The following ST7 variants were observed in gnomAD, a reference collection of about 807,000 sequenced individuals.
ST7 encodes the protein suppression of tumorigenicity 7.
In ST7, 28 loss-of-function variants were observed where a neutral mutation model predicts 78.7. That is an observed-to-expected ratio of 0.36 (90% CI 0.26 to 0.49). The LOEUF is 0.49. Among genes scored for constraint, ST7 ranks in the 20% least tolerant of loss-of-function variants. The pLI is 0.99. For missense variants in ST7, 418 were observed against 696.0 expected (o/e 0.60, Z 4.49); for synonymous variants, 247 against 249.6 (o/e 0.99, Z 0.10).
intron 15 of ST7, among the ~76,000 whole-genome samples, chr7:117,227,887 G>A (rs1209875624): frequency 6.6e-6 from 1 of 152,144 alleles, no homozygotes; most frequent in African/African-American, 2.4e-5. Context: ...CTTGAGGATG[G>A]CACCGTCTCC....
intron 1 of ST7, among the ~76,000 whole-genome samples, chr7:117,097,908 A>ATATATATATATTTTTTTT: frequency 3.3e-5 from 1 of 30,012 alleles, no homozygotes; most frequent in African/African-American, 1.6e-4. Context: ...ATATATATAT[A>ATATATATATATTTTTTTT]TTTTTTTTTT....
intron 1 of ST7, among the ~76,000 whole-genome samples, chr7:116,960,968 C>G (rs1328296502): frequency 6.6e-6 from 1 of 152,176 alleles, no homozygotes; most frequent in African/African-American, 2.4e-5. Flanking sequence ...ATTTAAGTCT[C>G]TAATCCATCT....
At chr7:116,972,961 G>C in intron 1 of ST7, 4 of 987,152 alleles carry the variant, frequency 4.1e-6, no homozygotes, top group Non-Finnish European at 6.3e-6. Context: ...TCCTCTGCTT[G>C]GTGTTGCAGC....
intron 1 of ST7, 113 bp downstream of exon 1, chr7:116,953,804 C>G: frequency 1.4e-6 from 1 of 719,068 alleles, no homozygotes; most frequent in African/African-American, 1.9e-5. Flanking sequence ...CCGGGGCCCG[C>G]GCACCGGAGG....
chr7:117,046,625 A>G (rs1797506150), intron 1 of ST7, among the ~76,000 whole-genome samples: 1 of 152,242 alleles, frequency 6.6e-6, no homozygotes, highest in East Asian at 1.9e-4. Flanking sequence ...TGTTTTACCA[A>G]TGCCTAGGAC....
At chr7:117,028,024 A>C (rs1480579480) in intron 1 of ST7, among the ~76,000 whole-genome samples, 1 of 152,176 alleles carries the variant, frequency 6.6e-6, no homozygotes, top group Non-Finnish European at 1.5e-5. Context: ...CATAATGGGT[A>C]CATGTCAGAA....
chr7:117,195,155 A>T (rs1584567078), intron 12 of ST7, among the ~76,000 whole-genome samples: 2 of 120,116 alleles, frequency 1.7e-5, no homozygotes, highest in Admixed American at 7.3e-5. Context: ...TTTACTATTT[A>T]AAAAAAAATT....
At chr7:117,193,746 C>T (rs1159016016) in intron 12 of ST7, among the ~76,000 whole-genome samples, 1 of 152,208 alleles carries the variant, frequency 6.6e-6, no homozygotes, top group Non-Finnish European at 1.5e-5. Flanking sequence ...TTCTCTATCA[C>T]AGGAATTTGT....
chr7:116,997,305 T>C (rs1255786793), intron 1 of ST7, among the ~76,000 whole-genome samples: 1 of 152,180 alleles, frequency 6.6e-6, no homozygotes, highest in African/African-American at 2.4e-5. Flanking sequence ...GGCAGCCTAC[T>C]TTTATTCCCT....
chr7:117,207,149 A>ATT (rs34923443), intron 12 of ST7, among the ~76,000 whole-genome samples: 2 of 144,692 alleles, frequency 1.4e-5, no homozygotes, highest in African/African-American at 5.2e-5. Flanking sequence ...GTTTCTTTTC[A>ATT]TTTTTTTTTT....
At chr7:117,228,095 G>A (rs60552656) in intron 15 of ST7, among the ~76,000 whole-genome samples, 1,652 of 152,130 alleles carry the variant, frequency 0.011, 34 homozygotes, top group African/African-American at 0.038. Context: ...GAGCCTGGAG[G>A]GCCCACCCTG....
At chr7:117,155,262 G>A (rs925252263) in intron 9 of ST7, among the ~76,000 whole-genome samples, 9 of 152,154 alleles carry the variant, frequency 5.9e-5, no homozygotes, top group African/African-American at 2.2e-4. Flanking sequence ...GAATGGAAAG[G>A]AGGCTAAGGT....
At chr7:117,149,824 G>A (rs1360361396) in intron 9 of ST7, among the ~76,000 whole-genome samples, 1 of 151,966 alleles carries the variant, frequency 6.6e-6, no homozygotes, top group Admixed American at 6.6e-5. Flanking sequence ...AGCTTTTGGA[G>A]GCTGTATGTT....
At chr7:117,095,966 G>A (rs1047849055) in intron 1 of ST7, among the ~76,000 whole-genome samples, 1 of 150,234 alleles carries the variant, frequency 6.7e-6, no homozygotes, top group Non-Finnish European at 1.5e-5. Flanking sequence ...TACTCCGGAG[G>A]CTGATGCAGG....
At chr7:117,171,201 C>A (rs1018030620) in intron 10 of ST7, among the ~76,000 whole-genome samples, 1 of 152,160 alleles carries the variant, frequency 6.6e-6, no homozygotes, top group Non-Finnish European at 1.5e-5. Context: ...TCCTTCCCTC[C>A]GTACAGGCTC....
At chr7:117,027,828 A>AT (rs1796286505) in intron 1 of ST7, among the ~76,000 whole-genome samples, 2 of 152,228 alleles carry the variant, frequency 1.3e-5, no homozygotes, top group Admixed American at 1.3e-4. Flanking sequence ...TCTGAATGAA[A>AT]TTCCTATCAG....
intron 1 of ST7, among the ~76,000 whole-genome samples, chr7:117,025,373 T>C (rs920852118): frequency 3.9e-5 from 6 of 152,216 alleles, no homozygotes; most frequent in Non-Finnish European, 8.8e-5. Context: ...AGTACTCTAT[T>C]TGGTTTTCCT....
At chr7:117,031,848 A>G (rs1048177389) in intron 1 of ST7, among the ~76,000 whole-genome samples, 1 of 20,558 alleles carries the variant, frequency 4.9e-5, no homozygotes, top group East Asian at 1.1e-3. Context: ...ATCTATATCT[A>G]TATCTATATC....
At chr7:117,218,476 G>A (rs1397721340) in intron 13 of ST7, among the ~76,000 whole-genome samples, 1 of 152,174 alleles carries the variant, frequency 6.6e-6, no homozygotes, top group African/African-American at 2.4e-5. Context: ...TCAAAATACA[G>A]ATAATTAATC....
Sources: gnomAD v4.1 joint callset for allele counts (sites outside exome capture counted in the v4.1 genomes callset) on GRCh38, gnomAD v4.1.1 for gene constraint, MANE v1.5 for transcripts, NCBI Gene and HGNC (gene_info 2026-07-23, HGNC 2026-07-21) for gene names.